HMCN1: variants seen among roughly 807,000 people sequenced by gnomAD.
The protein encoded by HMCN1 is hemicentin-1.
HMCN1 carries 321 observed loss-of-function variants against 625.9 expected under a neutral mutation model. That is an observed-to-expected ratio of 0.51 (90% CI 0.47 to 0.56). The LOEUF (loss-of-function observed/expected upper bound fraction) is 0.56. HMCN1 is among the 20% of genes least tolerant of loss of function. The probability of loss-of-function intolerance (pLI) is 0.00; values close to 1 mark genes in which losing one functional copy is unlikely to be tolerated. For missense variants in HMCN1, 6,588 were observed against 6,887.3 expected (o/e 0.96, Z 1.54); for synonymous variants, 2,425 against 2,417.6 (o/e 1.00, Z -0.09).
At chr1:186,133,252 C>A (rs907043354) in intron 86 of HMCN1, among the ~76,000 whole-genome samples, 6 of 152,194 alleles carry the variant, frequency 3.9e-5, no homozygotes, top group African/African-American at 1.4e-4. Flanking sequence ...CCCCTTCTTA[C>A]AATTCACCAC....
At chr1:186,141,853 T>C (rs1184797850) in intron 89 of HMCN1, among the ~76,000 whole-genome samples, 1 of 152,236 alleles carries the variant, frequency 6.6e-6, no homozygotes, top group Non-Finnish European at 1.5e-5. Flanking sequence ...AGAATAGTTA[T>C]TCAAGCCCAG....
At chr1:186,042,591 G>C (rs1656281471) in intron 40 of HMCN1, among the ~76,000 whole-genome samples, 1 of 152,078 alleles carries the variant, frequency 6.6e-6, no homozygotes, top group Admixed American at 6.6e-5. Flanking sequence ...ACTTTCTTAG[G>C]CTGAAAATCA....
chr1:186,105,633 T>G (rs989272038), intron 69 of HMCN1, among the ~76,000 whole-genome samples: 3 of 152,340 alleles, frequency 2.0e-5, no homozygotes, highest in Admixed American at 6.5e-5. Context: ...CTCTGCAAAA[T>G]CTTCCTCTAA....
chr1:185,794,475 CAAAAAAGAAAAAAAAGAAA>C (rs1344622158), intron 1 of HMCN1, among the ~76,000 whole-genome samples: 3 of 134,464 alleles, frequency 2.2e-5, no homozygotes, highest in Non-Finnish European at 4.8e-5. Context: ...ACTTGGAGTC[CAAAAAAGAAAAAAAAGAAA>C]AAAAAAGAAA....
At chr1:185,854,553 C>T (rs1439154413) in intron 2 of HMCN1, among the ~76,000 whole-genome samples, 1 of 152,138 alleles carries the variant, frequency 6.6e-6, no homozygotes, top group Non-Finnish European at 1.5e-5. Flanking sequence ...AGGCATATTA[C>T]ATTATTGAAT....
chr1:186,152,879 G>C lies in HMCN1; in HGVS notation c.15018+8G>C, dbSNP rs370035602. On this transcript the variant is annotated splice_region_variant and intron_variant, in intron 96 of 106. Coordinates refer to ENST00000271588, the MANE Select transcript of HMCN1 (RefSeq NM_031935.3). ...GCTGAAGTCACTGTAAAGGTAAAAT[G>C]CCAGGATAACTTGTCTTTGCTGCTT... The C allele has an allele frequency of 3.1e-6, 5 of 1,613,588 alleles. No individual in the cohort carries two copies. In the African/African-American group the frequency reaches 6.7e-5, roughly 22 times the overall value.
At chr1:185,784,658 G>A (rs1271085613) in intron 1 of HMCN1, among the ~76,000 whole-genome samples, 4 of 152,104 alleles carry the variant, frequency 2.6e-5, no homozygotes, top group Non-Finnish European at 5.9e-5. Context: ...TGTCATGGTA[G>A]GGAGGCCTAT....
intron 57 of HMCN1, among the ~76,000 whole-genome samples, chr1:186,085,332 G>T (rs1659405860): frequency 6.6e-6 from 1 of 152,092 alleles, no homozygotes; most frequent in Non-Finnish European, 1.5e-5. Flanking sequence ...CAAGGTGCTG[G>T]CAGGGTTTGG....
Position 186,114,953 on chromosome 1 carries a change from A to G in HMCN1, c.11404+7A>G. ...ATAGATTTACAGGTCCATGGTAAAT[A>G]TCCGTTTATAGACAACATCCGGTCT... is the stretch of plus-strand genomic sequence containing the variant. On this transcript the variant is annotated splice_region_variant and intron_variant, in intron 74 of 106. Coordinates refer to ENST00000271588, the MANE Select transcript of HMCN1 (RefSeq NM_031935.3). The G allele has an allele frequency of 1.9e-6, 3 of 1,614,178 alleles. No homozygotes were observed. Among genetic ancestry groups the G allele is most frequent in the Non-Finnish European group, 2.5e-6 (3 of 1,179,998 alleles).
chr1:186,135,331 G>T (rs568605930), intron 86 of HMCN1, among the ~76,000 whole-genome samples: 1 of 151,978 alleles, frequency 6.6e-6, no homozygotes, highest in African/African-American at 2.4e-5. Flanking sequence ...TCAGTGATTC[G>T]TTCTGAGTAT....
intron 6 of HMCN1, among the ~76,000 whole-genome samples, chr1:185,914,366 T>G (rs74134203): frequency 6.6e-6 from 1 of 152,106 alleles, no homozygotes; most frequent in Non-Finnish European, 1.5e-5. Flanking sequence ...CACTGGACTA[T>G]CTGGAAAAGG....
chr1:185,871,218 G>T (rs1412221117), intron 4 of HMCN1, among the ~76,000 whole-genome samples: 1 of 139,458 alleles, frequency 7.2e-6, no homozygotes, highest in Non-Finnish European at 1.5e-5. Context: ...GACAGAGAGA[G>T]ACTCCGTCTC....
At chr1:185,972,848 T>G (rs1193590007) in intron 15 of HMCN1, among the ~76,000 whole-genome samples, 1 of 152,140 alleles carries the variant, frequency 6.6e-6, no homozygotes, top group African/African-American at 2.4e-5. Context: ...TCTTTGACCT[T>G]GTGCTTGTTT....
intron 80 of HMCN1, among the ~76,000 whole-genome samples, chr1:186,121,545 A>T (rs1661399405): frequency 6.6e-6 from 1 of 152,170 alleles, no homozygotes; most frequent in Non-Finnish European, 1.5e-5. Flanking sequence ...TTCAGACTTA[A>T]GCTAGTGAGT....
Position 186,081,434 on chromosome 1 carries a change from G to T in HMCN1, c.8787+40G>T. 3 of 1,405,636 alleles carry T rather than the reference G, an allele frequency of 2.1e-6. No individual in the cohort carries two copies. In the South Asian group the frequency reaches 3.5e-5, roughly 17 times the overall value. 87.1% of individuals were successfully genotyped at this position (1,405,636 alleles called of 1,614,324 possible). A position where few individuals can be genotyped will look rare whatever the true frequency, so the allele number is the denominator to read the frequency against. On this transcript the variant is annotated intron_variant, in intron 56 of 106. Transcript: ENST00000271588. Reference sequence around the variant, plus strand: ...AGATCTAATTTTAAAAGAGCTATTTGACTTTGCACTTTGTAATAATTGTTT... The same window carrying T: ...AGATCTAATTTTAAAAGAGCTATTTTACTTTGCACTTTGTAATAATTGTTT...
At chr1:185,919,925 C>T (rs924254215) in intron 6 of HMCN1, among the ~76,000 whole-genome samples, 1 of 152,130 alleles carries the variant, frequency 6.6e-6, no homozygotes, top group Non-Finnish European at 1.5e-5. Context: ...GCTTTTTTCT[C>T]CTCCCTTTTC....
At chr1:186,054,978 T>C (rs1245132434) in intron 44 of HMCN1, among the ~76,000 whole-genome samples, 1 of 152,024 alleles carries the variant, frequency 6.6e-6, no homozygotes, top group South Asian at 2.1e-4. Flanking sequence ...CATCTCAGTT[T>C]TTCCAACTCA....
At chr1:185,764,584 T>C (rs766866074) in intron 1 of HMCN1, among the ~76,000 whole-genome samples, 2 of 152,154 alleles carry the variant, frequency 1.3e-5, no homozygotes, top group Non-Finnish European at 2.9e-5. Context: ...ATGGATCTAA[T>C]ATTAACTTAA....
rs775036108 is a variant in HMCN1, at chr1:186,063,067, CATATATATATATATATAT to C, written c.7513+486_7513+503del. On this transcript the variant is annotated intron_variant, in intron 48 of 106. Coordinates refer to ENST00000271588, the MANE Select transcript of HMCN1 (RefSeq NM_031935.3). ...GTGTGTGTGTGTGTGTGTGTGTGTG[CATATATATATATATATAT>C]ATATATATATATATATATCACATTT... 1.0e-3 allele frequency among the ~76,000 whole-genome samples: 60 copies of C among 59,840 alleles called. 1 individual carries two copies. Among genetic ancestry groups the C allele is most frequent in the East Asian group, 4.2e-3 (7 of 1,664 alleles). 39.3% of individuals were successfully genotyped at this position (59,840 alleles called of 152,430 possible).
Sources: gnomAD v4.1 joint callset for allele counts (sites outside exome capture counted in the v4.1 genomes callset) on GRCh38, gnomAD v4.1.1 for gene constraint, MANE v1.5 for transcripts, NCBI Gene and HGNC (gene_info 2026-07-23, HGNC 2026-07-21) for gene names.